ETV6: variants seen among roughly 807,000 people sequenced by gnomAD.
The protein encoded by ETV6 is ETS variant transcription factor 6, also known as transcription factor ETV6.
Under a neutral mutation model 51.1 loss-of-function variants are expected in ETV6, and 16 were observed. The ratio of observed to expected loss-of-function variants is 0.31; its 90% CI spans 0.21 to 0.48. The LOEUF (loss-of-function observed/expected upper bound fraction) is 0.48. Among genes scored for constraint, ETV6 ranks in the 20% least tolerant of loss-of-function variants. The probability of loss-of-function intolerance (pLI) is 0.99; values close to 1 mark genes in which losing one functional copy is unlikely to be tolerated. For synonymous variants in ETV6, 240 were observed against 224.1 expected, an observed-to-expected ratio of 1.07 and a Z score of -0.64; for missense variants, 458 against 594.8, an observed-to-expected ratio of 0.77 and a Z score of 2.39.
In ETV6 at chr12:11,892,443, G is replaced by A. The variant is rs866168282; in HGVS notation, c.*1397G>A. ...CTCTTTTTCACCTCAAAATAAGATC[G>A]ATGGTATCTTGTAAAATGAGGGTAG... On this transcript the variant is annotated 3_prime_UTR_variant, in exon 8 of 8. Coordinates refer to ENST00000396373, the MANE Select transcript of ETV6 (RefSeq NM_001987.5). 6.4e-4 allele frequency: 148 copies of A among 232,252 alleles called. 1 individual carries two copies. The highest frequency in any genetic ancestry group is 3.1e-3 in the African/African-American group (140 of 45,132). The allele number at this position is 232,252 out of a possible 1,614,324, so 14.4% of individuals were successfully genotyped here. A position where few individuals can be genotyped will look rare whatever the true frequency, so the allele number is the denominator to read the frequency against.
chr12:11,888,807 TC>T (rs1480966302), intron 7 of ETV6, among the ~76,000 whole-genome samples: 1 of 152,152 alleles, frequency 6.6e-6, no homozygotes, highest in Non-Finnish European at 1.5e-5. Context: ...GCTCAAGCCA[TC>T]CTCCTGCCTC....
chr12:11,682,647 G>A (rs1864553014), intron 1 of ETV6, among the ~76,000 whole-genome samples: 1 of 152,184 alleles, frequency 6.6e-6, no homozygotes, highest in Non-Finnish European at 1.5e-5. Flanking sequence ...CCATGCCTAT[G>A]ACCTGAATGG....
intron 1 of ETV6, among the ~76,000 whole-genome samples, chr12:11,655,810 G>A (rs1456347370): frequency 2.6e-5 from 4 of 152,224 alleles, no homozygotes; most frequent in South Asian, 2.1e-4. Flanking sequence ...GTATTGCCCC[G>A]TGTTAAGTGT....
intron 7 of ETV6, among the ~76,000 whole-genome samples, chr12:11,889,875 G>A (rs1947261229): frequency 6.6e-6 from 1 of 152,196 alleles, no homozygotes; most frequent in Non-Finnish European, 1.5e-5. Flanking sequence ...AGTATATGGG[G>A]AGAGAAAGGT....
At chr12:11,831,235 G>C (rs899149415) in intron 2 of ETV6, among the ~76,000 whole-genome samples, 1 of 152,154 alleles carries the variant, frequency 6.6e-6, no homozygotes, top group Non-Finnish European at 1.5e-5. Context: ...GTGTGTGTTT[G>C]TTTGTTTTGA....
rs1332173382 is a variant in ETV6, at chr12:11,865,285, T to C, written c.464-4139T>C. Among the ~76,000 whole-genome samples, 3 of 150,230 alleles carry C rather than the reference T, an allele frequency of 2.0e-5. No individual in the cohort carries two copies. The East Asian group carries it at 5.9e-4, about 29-fold the overall frequency. ...AAAAAAAAAATAGTGTCAACATAGG[T>C]CTCAAAAAAAGACTATAAAATCATA... On this transcript the variant is annotated intron_variant, in intron 4 of 7. Coordinates refer to ENST00000396373, the MANE Select transcript of ETV6 (RefSeq NM_001987.5).
At chr12:11,809,753 C>G (rs1019695530) in intron 2 of ETV6, among the ~76,000 whole-genome samples, 19 of 151,814 alleles carry the variant, frequency 1.3e-4, no homozygotes, top group African/African-American at 3.9e-4. Flanking sequence ...TTTCCCTGCC[C>G]ACCATAAAAC....
chr12:11,711,633 T>C (rs1203433729), intron 1 of ETV6, among the ~76,000 whole-genome samples: 3 of 152,258 alleles, frequency 2.0e-5, no homozygotes, highest in Admixed American at 6.5e-5. Flanking sequence ...GCTGCGCTTC[T>C]GTTTTCCAAA....
intron 4 of ETV6, among the ~76,000 whole-genome samples, chr12:11,861,257 G>T (rs56239741): frequency 1.6e-4 from 24 of 152,148 alleles, no homozygotes; most frequent in Non-Finnish European, 3.2e-4. Flanking sequence ...TGGGAGCAGG[G>T]CCCACGAGCA....
At chr12:11,734,244 A>G (rs945488789) in intron 1 of ETV6, among the ~76,000 whole-genome samples, 10 of 152,208 alleles carry the variant, frequency 6.6e-5, no homozygotes, top group African/African-American at 2.4e-4. Flanking sequence ...CTTTTATCAT[A>G]TAGTCCCCTA....
In ETV6 at chr12:11,746,782, C is replaced by G. The variant is rs1185309110; in HGVS notation, c.34-5668C>G. On this transcript the variant is annotated intron_variant, in intron 1 of 7. Coordinates refer to ENST00000396373, the MANE Select transcript of ETV6 (RefSeq NM_001987.5). Reference sequence around the variant, plus strand: ...TTGCAGGGCTTATTGCTAATGCTCTCTCTCTCTCTTTTTTTTTTTTTTTTT... The same window carrying G: ...TTGCAGGGCTTATTGCTAATGCTCTGTCTCTCTCTTTTTTTTTTTTTTTTT... Among the ~76,000 whole-genome samples, 4 of 123,088 alleles carry G rather than the reference C, an allele frequency of 3.2e-5. No individual in the cohort carries two copies. The Admixed American group carries it at 4.3e-4, about 13-fold the overall frequency. 80.8% of individuals were successfully genotyped at this position (123,088 alleles called of 152,430 possible).
rs1947363199 is a variant in ETV6 at position 11,894,557 on chromosome 12, G to C, written c.*3511G>C. ...TTTTCTCCTTTCACCAGTATGTTTGGAACCCTCTGATCCAATGTCTTTTGA... is the reference window on the plus strand; with the variant it reads ...TTTTCTCCTTTCACCAGTATGTTTGCAACCCTCTGATCCAATGTCTTTTGA... On this transcript the variant is annotated 3_prime_UTR_variant, in exon 8 of 8. Coordinates refer to ENST00000396373, the MANE Select transcript of ETV6 (RefSeq NM_001987.5). 8.6e-6 allele frequency: 2 copies of C among 233,112 alleles called. No individual in the cohort carries two copies. The highest frequency in any genetic ancestry group is 3.6e-4 in the South Asian group (2 of 5,528). The allele number at this position is 233,112 out of a possible 1,614,324, so 14.4% of individuals were successfully genotyped here.
intron 7 of ETV6, among the ~76,000 whole-genome samples, chr12:11,887,290 C>T (rs1947207180): frequency 6.6e-6 from 1 of 152,284 alleles, no homozygotes; most frequent in African/African-American, 2.4e-5. Context: ...CTTCATTTAT[C>T]ACCTCAGTGG....
intron 2 of ETV6, among the ~76,000 whole-genome samples, chr12:11,783,189 G>C (rs998287941): frequency 7.2e-5 from 11 of 152,208 alleles, no homozygotes; most frequent in African/African-American, 2.6e-4. Flanking sequence ...CCATTATCTA[G>C]AGTGGCAAGA....
intron 1 of ETV6, among the ~76,000 whole-genome samples, chr12:11,707,344 C>A (rs945268449): frequency 6.6e-6 from 1 of 152,238 alleles, no homozygotes; most frequent in African/African-American, 2.4e-5. Flanking sequence ...TAGAGGTGGT[C>A]TCCTGGCTTA....
chr12:11,740,512 T>C (rs1865788867), intron 1 of ETV6, among the ~76,000 whole-genome samples: 1 of 152,224 alleles, frequency 6.6e-6, no homozygotes, highest in South Asian at 2.1e-4. Context: ...CTCTAGTAGT[T>C]TGAACAACCC....
chr12:11,850,218 A>T (rs1034147791), intron 3 of ETV6, among the ~76,000 whole-genome samples: 1 of 151,896 alleles, frequency 6.6e-6, no homozygotes, highest in African/African-American at 2.4e-5. Context: ...CCTCCTGCAC[A>T]CTCGGGAAGA....
intron 3 of ETV6, among the ~76,000 whole-genome samples, chr12:11,848,140 C>T (rs1425294859): frequency 1.3e-5 from 2 of 152,162 alleles, no homozygotes; most frequent in East Asian, 3.9e-4. Flanking sequence ...ATCCATTGAG[C>T]GTTTATGATG....
chr12:11,874,570 G>A lies in ETV6; in HGVS notation c.1009+4601G>A, dbSNP rs866369028. On this transcript the variant is annotated intron_variant, in intron 5 of 7. Coordinates refer to ENST00000396373, the MANE Select transcript of ETV6 (RefSeq NM_001987.5). ...CACACATATATGTGTATGTGCGTGT[G>A]TACACATATATGTGTGTATACACAT... Among the ~76,000 whole-genome samples, 5 of 634 alleles carry A rather than the reference G, an allele frequency of 7.9e-3. 1 individual carries two copies. The highest frequency in any genetic ancestry group is 0.25 in the Non-Finnish European group (2 of 8). 0.4% of individuals were successfully genotyped at this position (634 alleles called of 152,430 possible).
Sources: gnomAD v4.1 joint callset for allele counts (sites outside exome capture counted in the v4.1 genomes callset) on GRCh38, gnomAD v4.1.1 for gene constraint, MANE v1.5 for transcripts, NCBI Gene and HGNC (gene_info 2026-07-23, HGNC 2026-07-21) for gene names.